The following PARP4 variants were observed in gnomAD, a reference collection of about 807,000 sequenced individuals.
PARP4 encodes the protein poly(ADP-ribose) polymerase family member 4.
PARP4 carries 120 observed loss-of-function variants against 187.7 expected under a neutral mutation model. That is an observed-to-expected ratio of 0.64 (90% CI 0.55 to 0.74). The LOEUF (loss-of-function observed/expected upper bound fraction) is 0.74. Ranked by LOEUF, PARP4 falls within the 30% of genes least tolerant of loss-of-function variation. The probability of loss-of-function intolerance (pLI) is 0.00; values close to 1 mark genes in which losing one functional copy is unlikely to be tolerated. For missense variants in PARP4, 1,836 were observed against 2,070.5 expected (o/e 0.89, Z 2.20); for synonymous variants, 654 against 740.9 (o/e 0.88, Z 1.90).
chr13:24,435,037 A>G lies in PARP4; in HGVS notation c.4104T>C (p.Pro1368=). The G allele has an allele frequency of 6.2e-7, 1 of 1,614,068 alleles. No homozygotes were observed. Among genetic ancestry groups the G allele is most frequent in the Non-Finnish European group, 8.5e-7 (1 of 1,180,032 alleles). ...QFDASQFSQG[P]VPGTCADWIP... ...TCCAGTCAGCACAAGTGCCAGGCAC[A>G]GGGCCTTGGCTGAATTGAGATGCAT... The change falls in exon 31 of 34, where the codon CCT becomes CCC. Residue 1368 remains proline, a synonymous_variant. Transcript: ENST00000381989.
At chr13:24,468,439 T>A (rs951211325) in intron 17 of PARP4, among the ~76,000 whole-genome samples, 6 of 150,988 alleles carry the variant, frequency 4.0e-5, no homozygotes, top group African/African-American at 1.2e-4. Flanking sequence ...AGTTTCGCTC[T>A]TGTTGCCCAG....
chr13:24,488,658 C>G (rs1337487643), intron 10 of PARP4, among the ~76,000 whole-genome samples: 1 of 151,418 alleles, frequency 6.6e-6, no homozygotes, highest in Non-Finnish European at 1.5e-5. Context: ...CCGGCCCGGA[C>G]TTTTTAAAAA....
At chr13:24,500,208 A>G (rs146045606) in intron 4 of PARP4, 108 bp downstream of exon 4, 298 of 544,552 alleles carry the variant, frequency 5.5e-4, no homozygotes, top group African/African-American at 5.5e-3. Context: ...TGCAAAATAA[A>G]TTAAAATAAG....
In PARP4 at chr13:24,501,731, T is replaced by C; in HGVS notation, c.236A>G (p.Lys79Arg). ...CAAGAGTCTCTTTTCCCTGATAGAT[T>C]TCCATATAAAATCTGGGTTTGCAAT... is the stretch of plus-strand genomic sequence containing the variant. ...VHIANPDFIW[K>R]SIREKRLLDV... Residue 79 changes from lysine to arginine, a missense_variant, in exon 3 of 34, where the codon AAA (lysine) becomes AGA (arginine). By Grantham distance (26) the Lys-to-Arg change is conservative (BLOSUM62 2). This residue lies in a region of PARP4 where 1,147 missense variants were observed against 1,214.2 expected (regional missense o/e 0.94). Coordinates refer to ENST00000381989, the MANE Select transcript of PARP4 (RefSeq NM_006437.4). The C allele has an allele frequency of 6.2e-7, 1 of 1,612,070 alleles. No homozygotes were observed. The highest frequency in any genetic ancestry group is 8.5e-7 in the Non-Finnish European group (1 of 1,178,120).
At chr13:24,444,905 G>C (rs1243837959) in intron 27 of PARP4, among the ~76,000 whole-genome samples, 2 of 152,224 alleles carry the variant, frequency 1.3e-5, no homozygotes, top group Admixed American at 1.3e-4. Context: ...CCCAGGAAGA[G>C]GAGGCTAAAG....
At chr13:24,456,969 A>T (rs777197461) in intron 20 of PARP4, among the ~76,000 whole-genome samples, 4 of 152,158 alleles carry the variant, frequency 2.6e-5, no homozygotes, top group Non-Finnish European at 5.9e-5. Context: ...GAAGACCATG[A>T]GCATATCAGT....
intron 23 of PARP4, 38 bp from the exon 24 acceptor site, chr13:24,452,631 T>A (rs754589338): frequency 5.9e-6 from 9 of 1,537,588 alleles, no homozygotes. Flanking sequence ...TTCTCCTTGT[T>A]GGATGCAGTC....
chr13:24,498,019 A>T (rs1869048352), intron 6 of PARP4, 97 bp downstream of exon 6: 2 of 749,744 alleles, frequency 2.7e-6, no homozygotes, highest in Non-Finnish European at 4.5e-6. Context: ...CTAAGACAAC[A>T]GGTAAGAAGA....
chr13:24,449,896 T>G, intron 24 of PARP4, 79 bp from the exon 25 acceptor site: 1 of 828,870 alleles, frequency 1.2e-6, no homozygotes, highest in Non-Finnish European at 2.0e-6. Flanking sequence ...TTGAGAAAGC[T>G]CACAACTCAA....
intron 6 of PARP4, among the ~76,000 whole-genome samples, chr13:24,496,256 T>TC (rs1868948667): frequency 6.6e-6 from 1 of 152,246 alleles, no homozygotes; most frequent in Non-Finnish European, 1.5e-5. Context: ...CTCCACAAAA[T>TC]CCAGTATGCA....
At chr13:24,486,009 C>T (rs1381000226) in intron 11 of PARP4, among the ~76,000 whole-genome samples, 159 bp downstream of exon 11, 1 of 152,008 alleles carries the variant, frequency 6.6e-6, no homozygotes, top group Non-Finnish European at 1.5e-5. Flanking sequence ...AAATTACACA[C>T]TTAATTATAA....
chr13:24,477,017 C>T (rs747104668), intron 14 of PARP4, among the ~76,000 whole-genome samples: 17 of 152,198 alleles, frequency 1.1e-4, no homozygotes, highest in Non-Finnish European at 2.4e-4. Flanking sequence ...TACAGCGGCT[C>T]TGCTGTCTGC....
intron 1 of PARP4, among the ~76,000 whole-genome samples, chr13:24,511,744 G>A (rs774190703): frequency 1.3e-5 from 2 of 152,182 alleles, no homozygotes; most frequent in Non-Finnish European, 2.9e-5. Flanking sequence ...TATACAGTGG[G>A]CATTCAATAA....
chr13:24,463,423 T>C (rs1431960403), intron 17 of PARP4, among the ~76,000 whole-genome samples: 2 of 152,036 alleles, frequency 1.3e-5, no homozygotes, highest in African/African-American at 2.4e-5. Flanking sequence ...TTTGTATCTA[T>C]AGAAAGAAAT....
Position 24,424,449 on chromosome 13 carries a change from C to T in PARP4, c.4979+2017G>A, listed in dbSNP as rs146182707. 2.5e-3 allele frequency among the ~76,000 whole-genome samples: 383 copies of T among 152,192 alleles called. 1 individual carries two copies. Among genetic ancestry groups the T allele is most frequent in the East Asian group, 7.9e-3 (41 of 5,172 alleles). ...ACTGCATTTCCATGGTGTCAAGTAACATGTTCCTCTATTCTCTGATCTAAT... is the reference window on the plus strand; with the variant it reads ...ACTGCATTTCCATGGTGTCAAGTAATATGTTCCTCTATTCTCTGATCTAAT... On this transcript the variant is annotated intron_variant, in intron 33 of 33. Transcript: ENST00000381989.
chr13:24,453,747 G>T, intron 22 of PARP4, 93 bp from the exon 23 acceptor site: 1 of 749,476 alleles, frequency 1.3e-6, no homozygotes, highest in Non-Finnish European at 2.4e-6. Flanking sequence ...CATCACGGCT[G>T]TTGTAAAGGA....
chr13:24,473,098 T>G (rs185649124), intron 15 of PARP4, among the ~76,000 whole-genome samples: 17 of 152,198 alleles, frequency 1.1e-4, no homozygotes, highest in Non-Finnish European at 2.4e-4. Flanking sequence ...GCTCAGCCAA[T>G]TTTTGTAGAG....
intron 15 of PARP4, among the ~76,000 whole-genome samples, chr13:24,471,708 T>A (rs1342397054): frequency 6.6e-6 from 1 of 152,162 alleles, no homozygotes; most frequent in Non-Finnish European, 1.5e-5. Flanking sequence ...TGGGGCAAAC[T>A]TCCCCAGGGA....
rs1555235204 is a variant in PARP4 at position 24,460,457 on chromosome 13, C to CGGGTGGGCTCTGCTGCAT, written c.2134-322_2134-321insATGCAGCAGAGCCCACCC. On this transcript the variant is annotated intron_variant, in intron 17 of 33. Transcript: ENST00000381989. ...CTCTGCACACGTGGGCTCTGCTGCA[C>CGGGTGGGCTCTGCTGCAT]GGGTGGGCTCTGCTGCACGGGTGGG... 1.9e-3 allele frequency among the ~76,000 whole-genome samples: 230 copies of CGGGTGGGCTCTGCTGCAT among 119,984 alleles called. 3 individuals are homozygous for CGGGTGGGCTCTGCTGCAT. The highest frequency in any genetic ancestry group is 3.8e-3 in the South Asian group (15 of 3,958). 78.7% of individuals were successfully genotyped at this position (119,984 alleles called of 152,430 possible).
Sources: gnomAD v4.1 joint callset for allele counts (sites outside exome capture counted in the v4.1 genomes callset) on GRCh38, gnomAD v4.1.1 for gene constraint, gnomAD v4.1.1 regional missense constraint, MANE v1.5 for transcripts, NCBI Gene and HGNC (gene_info 2026-07-23, HGNC 2026-07-21) for gene names.